The following MAPKBP1 variants were observed in gnomAD, a reference collection of about 807,000 sequenced individuals.
MAPKBP1 encodes the protein mitogen-activated protein kinase-binding protein 1.
MAPKBP1 carries 71 observed loss-of-function variants against 170.5 expected under a neutral mutation model. The ratio of observed to expected loss-of-function variants is 0.42; its 90% CI spans 0.34 to 0.51. MAPKBP1 has a LOEUF of 0.51. Ranked by LOEUF, MAPKBP1 falls within the 20% of genes least tolerant of loss-of-function variation. The pLI is 0.06. For synonymous variants in MAPKBP1, 719 were observed against 757.9 expected, an observed-to-expected ratio of 0.95 and a Z score of 0.84; for missense variants, 1,598 against 1,933.0, an observed-to-expected ratio of 0.83 and a Z score of 3.25.
chr15:41,821,547 A>T, intron 23 of MAPKBP1, 37 bp from the exon 24 acceptor site: 1 of 1,592,680 alleles, frequency 6.3e-7, no homozygotes, highest in Non-Finnish European at 8.6e-7. Context: ...CTCATCTGTC[A>T]CCTCTGCTCT....
Position 41,823,697 on chromosome 15 carries a change from C to G in MAPKBP1, c.3849C>G (p.Ala1283=). The change falls in exon 29 of 31, where the codon GCC becomes GCG. Residue 1283 remains alanine, a synonymous_variant. Transcript: ENST00000457542. The part of the protein sequence containing the change: ...PIRVSPLSKL[A]LPSRAHLVLD... ...GAGTCTCACCACTCAGCAAGCTGGC[C>G]CTGCCCAGCCGGGCTCACCTGGTCC... 1 of 1,614,166 alleles carries G rather than the reference C, an allele frequency of 6.2e-7. No individual in the cohort carries two copies. The highest frequency in any genetic ancestry group is 1.3e-5 in the African/African-American group (1 of 75,036).
chr15:41,775,220 G>C lies in MAPKBP1; in HGVS notation c.-56G>C, dbSNP rs1264754223. ...TCTGGAGTGGGAAGACAGTGCCGCTGTTGAGACAAGACCCAGGACTGGGCC... is the reference window on the plus strand; with the variant it reads ...TCTGGAGTGGGAAGACAGTGCCGCTCTTGAGACAAGACCCAGGACTGGGCC... On this transcript the variant is annotated 5_prime_UTR_variant, in exon 2 of 31. Transcript: ENST00000457542. The C allele has an allele frequency of 4.9e-6, 7 of 1,436,280 alleles. No homozygotes were observed. In the African/African-American group the frequency reaches 8.4e-5, roughly 17 times the overall value. The allele number at this position is 1,436,280 out of a possible 1,614,324, so 89.0% of individuals were successfully genotyped here. A position where few individuals can be genotyped will look rare whatever the true frequency, so the allele number is the denominator to read the frequency against.
At chr15:41,786,173 T>C (rs895229608) in intron 2 of MAPKBP1, among the ~76,000 whole-genome samples, 6 of 152,218 alleles carry the variant, frequency 3.9e-5, no homozygotes, top group Non-Finnish European at 7.3e-5. Flanking sequence ...AAAACATATA[T>C]ATATGTTAGT....
chr15:41,811,453 G>GT (rs1272577814), intron 5 of MAPKBP1: 4 of 701,614 alleles, frequency 5.7e-6, no homozygotes, highest in Non-Finnish European at 1.0e-5. Context: ...GGTCCTCAGA[G>GT]TTTCTGATTC....
At chr15:41,781,686 T>C (rs2064191808) in intron 2 of MAPKBP1, among the ~76,000 whole-genome samples, 1 of 152,120 alleles carries the variant, frequency 6.6e-6, no homozygotes, top group Non-Finnish European at 1.5e-5. Context: ...ATAATTGAGA[T>C]TTTAATTTAC....
Position 41,817,413 on chromosome 15 carries a change from C to T in MAPKBP1, c.1737C>T (p.Ile579=). ...FAASDGQVRM[I]SCGADKSIYF... Reference sequence around the variant, plus strand: ...CCAGTGATGGGCAAGTCCGCATGATCAGCTGTGGAGCAGACAAGAGCATCT... The same window carrying T: ...CCAGTGATGGGCAAGTCCGCATGATTAGCTGTGGAGCAGACAAGAGCATCT... The change falls in exon 15 of 31, where the codon ATC becomes ATT. Residue 579 remains isoleucine (I), a synonymous_variant. Coordinates refer to ENST00000457542, the MANE Select transcript of MAPKBP1 (RefSeq NM_014994.3). This position sits in a 1 kb window ranked among gnomAD's most constrained non-coding sequence, Gnocchi z 4.2. 1 of 1,613,972 alleles carries T rather than the reference C, an allele frequency of 6.2e-7. No individual in the cohort carries two copies. The highest frequency in any genetic ancestry group is 2.2e-5 in the East Asian group (1 of 44,890).
chr15:41,795,663 G>A (rs1173043128), intron 2 of MAPKBP1, among the ~76,000 whole-genome samples: 1 of 152,196 alleles, frequency 6.6e-6, no homozygotes, highest in African/African-American at 2.4e-5. Flanking sequence ...CTGGAGTGCA[G>A]TGGTGCAATC....
At position 41,827,795 on chromosome 15, in the gene MAPKBP1, T is replaced by G; in HGVS notation, c.*2359T>G. On this transcript the variant is annotated 3_prime_UTR_variant, in exon 31 of 31. Transcript: ENST00000457542. Reference sequence around the variant, plus strand: ...TCGGCTGCATGGGGCGGGGGCGCTGTTTTTAACGTGCCCGTTTGTACTGAT... The same window carrying G: ...TCGGCTGCATGGGGCGGGGGCGCTGGTTTTAACGTGCCCGTTTGTACTGAT... 2 of 262,226 alleles carry G rather than the reference T, an allele frequency of 7.6e-6. No homozygotes were observed. The highest frequency in any genetic ancestry group is 2.2e-5 in the African/African-American group (1 of 45,146). The allele number at this position is 262,226 out of a possible 1,614,324, so 16.2% of individuals were successfully genotyped here. A position where few individuals can be genotyped will look rare whatever the true frequency, so the allele number is the denominator to read the frequency against.
Position 41,817,136 on chromosome 15 carries a change from G to A in MAPKBP1, c.1711+101G>A, listed in dbSNP as rs2064905648. 2 of 1,506,540 alleles carry A rather than the reference G, an allele frequency of 1.3e-6. No homozygotes were observed. The highest frequency in any genetic ancestry group is 4.6e-5 in the East Asian group (2 of 43,858). 93.3% of individuals were successfully genotyped at this position (1,506,540 alleles called of 1,614,324 possible). On this transcript the variant is annotated intron_variant, in intron 14 of 30. Coordinates refer to ENST00000457542, the MANE Select transcript of MAPKBP1 (RefSeq NM_014994.3). This position sits in a 1 kb window ranked among gnomAD's most constrained non-coding sequence, Gnocchi z 4.2. ...GGTCTGCCCATTGTGGGGGAGTGTTGGACAGCAGCTGGGAGGCCTGGAGCT... is the reference window on the plus strand; with the variant it reads ...GGTCTGCCCATTGTGGGGGAGTGTTAGACAGCAGCTGGGAGGCCTGGAGCT...
intron 8 of MAPKBP1, 29 bp from the exon 9 acceptor site, chr15:41,813,592 C>T (rs199911830): frequency 6.3e-4 from 1,010 of 1,607,640 alleles, no homozygotes; most frequent in South Asian, 1.3e-3. Flanking sequence ...GGCAGGTGGC[C>T]TTGCTGAGCT....
At chr15:41,824,450 C>A in intron 29 of MAPKBP1, 34 bp from the exon 30 acceptor site, 1 of 1,550,202 alleles carries the variant, frequency 6.5e-7, no homozygotes, top group Non-Finnish European at 8.7e-7. Context: ...GGGCTACATG[C>A]TGGGCCTCAC....
chr15:41,783,081 GT>G (rs745767605), intron 2 of MAPKBP1, among the ~76,000 whole-genome samples: 1 of 152,202 alleles, frequency 6.6e-6, no homozygotes, highest in Non-Finnish European at 1.5e-5. Context: ...GCCACAAGCG[GT>G]TGCTGCTTCT....
intron 3 of MAPKBP1, 137 bp from the exon 4 acceptor site, chr15:41,810,746 G>A (rs1224933088): frequency 8.5e-6 from 5 of 591,650 alleles, no homozygotes; most frequent in South Asian, 4.4e-5. Context: ...AAAAGAAAAG[G>A]AAAAAAACAG....
chr15:41,811,322 C>T, intron 5 of MAPKBP1, 87 bp downstream of exon 5: 1 of 1,467,406 alleles, frequency 6.8e-7, no homozygotes, highest in East Asian at 2.3e-5. Flanking sequence ...CCTGCTGTCA[C>T]TTTGGCTTCT....
Position 41,822,208 on chromosome 15 carries a change from C to T in MAPKBP1, c.3032-17C>T, listed in dbSNP as rs1388028757. On this transcript the variant is annotated splice_polypyrimidine_tract_variant and intron_variant, in intron 25 of 30. Coordinates refer to ENST00000457542, the MANE Select transcript of MAPKBP1 (RefSeq NM_014994.3). ...GATGGGTGCAGTGCGATGCCTCTCT[C>T]CCCTCCCCACACCCAGACTCTGAGA... 6.2e-7 allele frequency: 1 copy of T among 1,608,012 alleles called. No homozygotes were observed. The highest frequency in any genetic ancestry group is 8.5e-7 in the Non-Finnish European group (1 of 1,176,106).
At chr15:41,775,596 A>G (rs2064084642) in intron 2 of MAPKBP1, among the ~76,000 whole-genome samples, 1 of 152,236 alleles carries the variant, frequency 6.6e-6, no homozygotes, top group Non-Finnish European at 1.5e-5. Context: ...TCCATGAGAA[A>G]AGGTGAATAG....
At position 41,816,997 on chromosome 15, in the gene MAPKBP1, A is replaced by G. The variant is rs201067813; in HGVS notation, c.1673A>G (p.Asp558Gly). 2.5e-6 allele frequency: 4 copies of G among 1,609,520 alleles called. No homozygotes were observed. The Admixed American group carries it at 6.7e-5, about 27-fold the overall frequency. ...GREYSLQQTL[D>G]EHSSSITAVK... ...GAGTACAGCCTACAGCAGACGCTGG[A>G]CGAACACTCATCCTCCATCACTGCT... The change falls in exon 14 of 31, where the codon GAC (aspartate) becomes GGC (glycine). Residue 558 changes from aspartate to glycine, a missense_variant. Asp to Gly is a moderately conservative substitution (Grantham distance 94). Coordinates refer to ENST00000457542, the MANE Select transcript of MAPKBP1 (RefSeq NM_014994.3).
intron 2 of MAPKBP1, among the ~76,000 whole-genome samples, chr15:41,784,506 G>A (rs942209684): frequency 1.4e-4 from 22 of 151,896 alleles, no homozygotes; most frequent in African/African-American, 4.6e-4. Flanking sequence ...TAGCTGGGCC[G>A]GGCGTGGTGG....
At position 41,813,701 on chromosome 15, in the gene MAPKBP1, C is replaced by T. The variant is rs1424113005; in HGVS notation, c.900C>T (p.Asn300=). ...CTGATGGCACCGTGCGCCTTTTCAA[C>T]CCCTCTAACCTGCACTTCCTTAGCA... is the stretch of plus-strand genomic sequence containing the variant. ...GCADGTVRLF[N]PSNLHFLSTL... The change falls in exon 9 of 31, where the codon AAC becomes AAT. Residue 300 remains asparagine (N), a synonymous_variant. Transcript: ENST00000457542. 6.8e-6 allele frequency: 11 copies of T among 1,613,980 alleles called. No individual in the cohort carries two copies. The highest frequency in any genetic ancestry group is 9.3e-6 in the Non-Finnish European group (11 of 1,179,950).
Sources: allele counts gnomAD v4.1 joint callset (sites outside exome capture counted in the v4.1 genomes callset), GRCh38; gene constraint gnomAD v4.1.1; non-coding constraint Gnocchi (gnomAD v3.1); transcripts MANE v1.5; gene names NCBI Gene and HGNC (gene_info 2026-07-23, HGNC 2026-07-21).